The following KCNQ1 variants were observed in gnomAD, a reference collection of about 807,000 sequenced individuals.
KCNQ1 encodes potassium voltage-gated channel subfamily KQT member 1.
Under a neutral mutation model 72.4 loss-of-function variants are expected in KCNQ1, and 49 were observed. The ratio of observed to expected loss-of-function variants is 0.68; its 90% CI spans 0.54 to 0.86. The LOEUF (loss-of-function observed/expected upper bound fraction) is 0.86. KCNQ1 is among the 40% of genes least tolerant of loss of function. The pLI, the probability that KCNQ1 is intolerant of heterozygous loss-of-function variation, is 0.00. For missense variants in KCNQ1, 790 were observed against 945.1 expected (o/e 0.84, Z 2.15); for synonymous variants, 450 against 412.6 (o/e 1.09, Z -1.10).
rs1323829975 is a variant in KCNQ1 at position 2,679,917 on chromosome 11, A to C, written c.1514+17836A>C. 2.0e-5 allele frequency: 8 copies of C among 397,408 alleles called. No individual in the cohort carries two copies. The East Asian group carries it at 2.5e-4, about 12-fold the overall frequency. 24.6% of individuals were successfully genotyped at this position (397,408 alleles called of 1,614,324 possible). A position where few individuals can be genotyped will look rare whatever the true frequency, so the allele number is the denominator to read the frequency against. ...TTTTTATTTTTATTTTTTTTGAGGCAGAGTCTCACTTTGTCACCTAGGCGG... is the reference window on the plus strand; with the variant it reads ...TTTTTATTTTTATTTTTTTTGAGGCCGAGTCTCACTTTGTCACCTAGGCGG... On this transcript the variant is annotated intron_variant, in intron 11 of 15. Coordinates refer to ENST00000155840, the MANE Select transcript of KCNQ1 (RefSeq NM_000218.3). This position sits in a 1 kb window ranked among gnomAD's most constrained non-coding sequence, Gnocchi z 4.8.
At chr11:2,699,806 G>A (rs1850760968) in intron 11 of KCNQ1, 1 of 397,916 alleles carries the variant, frequency 2.5e-6, no homozygotes, top group East Asian at 3.6e-5. Context: ...GCGCGCCGGG[G>A]AGAACCACGA....
chr11:2,460,912 C>T lies in KCNQ1; in HGVS notation c.386+15428C>T, dbSNP rs1039028285. On this transcript the variant is annotated intron_variant, in intron 1 of 15. Transcript: ENST00000155840. ...CTGCCTGTGCAGGTGGCCCTCTTGTCGGTCTTGTCTGCTGCATGGGGGTGT... is the reference window on the plus strand; with the variant it reads ...CTGCCTGTGCAGGTGGCCCTCTTGTTGGTCTTGTCTGCTGCATGGGGGTGT... 4.6e-5 allele frequency among the ~76,000 whole-genome samples: 7 copies of T among 152,328 alleles called. No individual in the cohort carries two copies. The East Asian group carries it at 7.7e-4, about 17-fold the overall frequency.
intron 10 of KCNQ1, chr11:2,650,089 G>C (rs1209894587): frequency 5.0e-6 from 2 of 398,064 alleles, no homozygotes; most frequent in Non-Finnish European, 8.9e-6. Context: ...GCTTTCAATT[G>C]TATTTTTTAT....
At chr11:2,556,161 A>G (rs888742173) in intron 2 of KCNQ1, among the ~76,000 whole-genome samples, 1 of 151,958 alleles carries the variant, frequency 6.6e-6, no homozygotes, top group Non-Finnish European at 1.5e-5. Context: ...GCCTCCATAC[A>G]GCGCCCCCCG....
chr11:2,712,093 A>G lies in KCNQ1; in HGVS notation c.1514+50012A>G, dbSNP rs1028246737. On this transcript the variant is annotated intron_variant, in intron 11 of 15. Coordinates refer to ENST00000155840, the MANE Select transcript of KCNQ1 (RefSeq NM_000218.3). This position sits in a 1 kb window ranked among gnomAD's most constrained non-coding sequence, Gnocchi z 6.4. ...CCCTGCCTCCCAGAGAGCCAGGGAG[A>G]GGCCAGGATCCAAGGAGGTAACGGC... Among the ~76,000 whole-genome samples, 1 of 152,142 alleles carries G rather than the reference A, an allele frequency of 6.6e-6. No homozygotes were observed. The highest frequency in any genetic ancestry group is 2.4e-5 in the African/African-American group (1 of 41,420).
At position 2,508,769 on chromosome 11, in the gene KCNQ1, GCTTTT is replaced by G. The variant is rs1847146577; in HGVS notation, c.387-19158_387-19154del. On this transcript the variant is annotated intron_variant, in intron 1 of 15. Transcript: ENST00000155840. The surrounding 1 kb of genome is among the most constrained non-coding windows in gnomAD (Gnocchi z 6.2). ...GGGATGGGAAAGACTGTTGAACTAAGCTTTTTAGGAAGAAAGCCATCAATTCCCCT... is the reference window on the plus strand; with the variant it reads ...GGGATGGGAAAGACTGTTGAACTAAGTAGGAAGAAAGCCATCAATTCCCCT... 6.6e-6 allele frequency among the ~76,000 whole-genome samples: 1 copy of G among 152,196 alleles called. No individual in the cohort carries two copies. The highest frequency in any genetic ancestry group is 6.5e-5 in the Admixed American group (1 of 15,284).
intron 7 of KCNQ1, among the ~76,000 whole-genome samples, chr11:2,584,726 G>C (rs1417711749): frequency 6.6e-6 from 1 of 152,050 alleles, no homozygotes; most frequent in Non-Finnish European, 1.5e-5. Flanking sequence ...TATTGTGTGT[G>C]TGTGTGCATC....
intron 11 of KCNQ1, among the ~76,000 whole-genome samples, chr11:2,700,863 T>C (rs1213597179): frequency 6.6e-6 from 1 of 151,872 alleles, no homozygotes; most frequent in Non-Finnish European, 1.5e-5. Context: ...GCGCGCCTTC[T>C]GAATGCCAAG....
At position 2,509,763 on chromosome 11, in the gene KCNQ1, G is replaced by T. The variant is rs1847165372; in HGVS notation, c.387-18165G>T. Among the ~76,000 whole-genome samples, 1 of 152,174 alleles carries T rather than the reference G, an allele frequency of 6.6e-6. No homozygotes were observed. The highest frequency in any genetic ancestry group is 2.1e-4 in the South Asian group (1 of 4,836). On this transcript the variant is annotated intron_variant, in intron 1 of 15. Coordinates refer to ENST00000155840, the MANE Select transcript of KCNQ1 (RefSeq NM_000218.3). This position sits in a 1 kb window ranked among gnomAD's most constrained non-coding sequence, Gnocchi z 6.3. ...AAAGAAAAGAGGGGCTTCCGGGGGTGGGGAGCGGGGCTGGGCGGCTGCTGG... is the reference window on the plus strand; with the variant it reads ...AAAGAAAAGAGGGGCTTCCGGGGGTTGGGAGCGGGGCTGGGCGGCTGCTGG...
chr11:2,711,146 G>T lies in KCNQ1; in HGVS notation c.1514+49065G>T, dbSNP rs185818871. Among the ~76,000 whole-genome samples the T allele has an allele frequency of 1.8e-4, 27 of 152,272 alleles. No homozygotes were observed. In the East Asian group the frequency reaches 5.0e-3, roughly 28 times the overall value. ...TTGTATTTGGATTTTTAAAAATTTGGTTCAAGAATATCTCATAGTTTTCAG... is the reference window on the plus strand; with the variant it reads ...TTGTATTTGGATTTTTAAAAATTTGTTTCAAGAATATCTCATAGTTTTCAG... On this transcript the variant is annotated intron_variant, in intron 11 of 15. Transcript: ENST00000155840. The surrounding 1 kb of genome is among the most constrained non-coding windows in gnomAD (Gnocchi z 5.4).
At chr11:2,640,553 T>C in intron 10 of KCNQ1, 1 of 352,440 alleles carries the variant, frequency 2.8e-6, no homozygotes, top group South Asian at 1.7e-4. Flanking sequence ...CCCAAAGCAC[T>C]GGGATTTCCT....
chr11:2,481,654 C>T lies in KCNQ1; in HGVS notation c.386+36170C>T, dbSNP rs1846653043. On this transcript the variant is annotated intron_variant, in intron 1 of 15. Coordinates refer to ENST00000155840, the MANE Select transcript of KCNQ1 (RefSeq NM_000218.3). This position sits in a 1 kb window ranked among gnomAD's most constrained non-coding sequence, Gnocchi z 4.6. Reference sequence around the variant, plus strand: ...TTACCGCGTGAGCTCTGCCTCCTATCAGATCAGTGGCGGCATTAGATTCTC... The same window carrying T: ...TTACCGCGTGAGCTCTGCCTCCTATTAGATCAGTGGCGGCATTAGATTCTC... 6.6e-6 allele frequency among the ~76,000 whole-genome samples: 1 copy of T among 152,208 alleles called. No homozygotes were observed. Among genetic ancestry groups the T allele is most frequent in the South Asian group, 2.1e-4 (1 of 4,836 alleles).
chr11:2,839,204 T>C (rs1848151206), intron 15 of KCNQ1, among the ~76,000 whole-genome samples: 1 of 151,896 alleles, frequency 6.6e-6, no homozygotes, highest in African/African-American at 2.4e-5. Flanking sequence ...GTGAGGCAGC[T>C]CCCTGGCCTC....
chr11:2,744,976 C>T (rs1484959779), intron 11 of KCNQ1, among the ~76,000 whole-genome samples: 1 of 152,056 alleles, frequency 6.6e-6, no homozygotes, highest in African/African-American at 2.4e-5. Context: ...GATCGGGGCT[C>T]CCTCTTTGCA....
chr11:2,621,360 A>G lies in KCNQ1; in HGVS notation c.1393+32506A>G, dbSNP rs927323934. The G allele has an allele frequency of 1.0e-5, 4 of 398,430 alleles. No homozygotes were observed. Among genetic ancestry groups the G allele is most frequent in the Non-Finnish European group, 1.8e-5 (4 of 226,052 alleles). The allele number at this position is 398,430 out of a possible 1,614,324, so 24.7% of individuals were successfully genotyped here. ...TTCTGTATTTTCTTTTAAGAAATGTATGTTCCTGTCCTTTGCCAATTCAAT... is the reference window on the plus strand; with the variant it reads ...TTCTGTATTTTCTTTTAAGAAATGTGTGTTCCTGTCCTTTGCCAATTCAAT... On this transcript the variant is annotated intron_variant, in intron 10 of 15. Coordinates refer to ENST00000155840, the MANE Select transcript of KCNQ1 (RefSeq NM_000218.3). This position sits in a 1 kb window ranked among gnomAD's most constrained non-coding sequence, Gnocchi z 5.7.
intron 2 of KCNQ1, among the ~76,000 whole-genome samples, chr11:2,531,662 G>A (rs1847635672): frequency 6.6e-6 from 1 of 152,206 alleles, no homozygotes; most frequent in Non-Finnish European, 1.5e-5. Context: ...TGGCATGGCA[G>A]AGAAGCAGCC....
Position 2,661,962 on chromosome 11 carries a change from A to G in KCNQ1, c.1395A>G (p.Val465=). The change falls in exon 11 of 16, where the codon GTA becomes GTG. Residue 465 remains valine (V), a splice_region_variant and synonymous_variant. Coordinates refer to ENST00000155840, the MANE Select transcript of KCNQ1 (RefSeq NM_000218.3). The surrounding 1 kb of genome is among the most constrained non-coding windows in gnomAD (Gnocchi z 5.9). ...HFSVDGYDSS[V]RKSPTLLEVS... Reference sequence around the variant, plus strand: ...GCTGTCCCCACACTTTCTCCTCAGTAAGGAAGAGCCCAACACTGCTGGAAG... The same window carrying G: ...GCTGTCCCCACACTTTCTCCTCAGTGAGGAAGAGCCCAACACTGCTGGAAG... The G allele has an allele frequency of 6.2e-7, 1 of 1,614,150 alleles. No individual in the cohort carries two copies. Among genetic ancestry groups the G allele is most frequent in the Non-Finnish European group, 8.5e-7 (1 of 1,180,036 alleles).
At chr11:2,749,535 C>T (rs1564880649) in intron 11 of KCNQ1, among the ~76,000 whole-genome samples, 4 of 151,026 alleles carry the variant, frequency 2.6e-5, no homozygotes, top group South Asian at 4.2e-4. Flanking sequence ...CTTGGCCGGG[C>T]GTGCTGCCTC....
Position 2,677,602 on chromosome 11 carries a change from ATTTG to A in KCNQ1, c.1514+15525_1514+15528del, listed in dbSNP as rs1418814467. 7.5e-6 allele frequency: 3 copies of A among 398,600 alleles called. No individual in the cohort carries two copies. Among genetic ancestry groups the A allele is most frequent in the African/African-American group, 4.1e-5 (2 of 48,738 alleles). 24.7% of individuals were successfully genotyped at this position (398,600 alleles called of 1,614,324 possible). ...AAAGACAAACCAAAATCCCCTCTGG[ATTTG>A]TTTTTTTCTAAAACGTGTACATAAT... On this transcript the variant is annotated intron_variant, in intron 11 of 15. Transcript: ENST00000155840. The surrounding 1 kb of genome is among the most constrained non-coding windows in gnomAD (Gnocchi z 4.5).
Sources: allele counts gnomAD v4.1 joint callset (sites outside exome capture counted in the v4.1 genomes callset), GRCh38; gene constraint gnomAD v4.1.1; non-coding constraint Gnocchi (gnomAD v3.1); transcripts MANE v1.5; gene names NCBI Gene and HGNC (gene_info 2026-07-23, HGNC 2026-07-21).